Variants in GPR107 observed in about 807,000 individuals in gnomAD.
The protein encoded by GPR107 is protein GPR107.
A neutral mutation model predicts 75.5 loss-of-function variants in GPR107; 31 were observed. The ratio of observed to expected loss-of-function variants is 0.41; its 90% CI spans 0.31 to 0.55. GPR107 has a LOEUF of 0.55. Among genes scored for constraint, GPR107 ranks in the 20% least tolerant of loss-of-function variants. The pLI is 0.26. For synonymous variants in GPR107, 267 were observed against 251.3 expected (o/e 1.06, Z -0.59); for missense variants, 572 against 665.7 (o/e 0.86, Z 1.55).
chr9:130,130,892 A>AC (rs1831812833), intron 17 of GPR107, among the ~76,000 whole-genome samples: 2 of 151,176 alleles, frequency 1.3e-5, no homozygotes, highest in Admixed American at 6.6e-5. Context: ...AAAAAAAAAA[A>AC]ACGCATGAAT....
intron 1 of GPR107, among the ~76,000 whole-genome samples, chr9:130,057,473 C>A (rs1564655554): frequency 4.0e-5 from 6 of 148,158 alleles, no homozygotes; most frequent in Non-Finnish European, 8.9e-5. Context: ...TGGCTCCAGC[C>A]TGGGGGACAG....
At chr9:130,120,749 C>T (rs959575092) in intron 14 of GPR107, 2 of 152,244 alleles carry the variant, frequency 1.3e-5, no homozygotes, top group Admixed American at 1.3e-4. Context: ...CCTTCCTCCA[C>T]GGAGGGATTG....
intron 1 of GPR107, among the ~76,000 whole-genome samples, chr9:130,057,385 C>CTA (rs1564655526): frequency 6.6e-6 from 1 of 151,756 alleles, no homozygotes; most frequent in African/African-American, 2.4e-5. Context: ...TGGTGCATAC[C>CTA]TATAGTCCCA....
intron 9 of GPR107, among the ~76,000 whole-genome samples, chr9:130,097,777 G>T (rs1830912766): frequency 6.6e-6 from 1 of 151,098 alleles, no homozygotes; most frequent in Non-Finnish European, 1.5e-5. Context: ...CGTAATCAAG[G>T]CTTACAGCAG....
Position 130,101,118 on chromosome 9 carries a change from G to T in GPR107, c.1026G>T (p.Ala342=), listed in dbSNP as rs377371563. The T allele has an allele frequency of 2.5e-6, 4 of 1,596,890 alleles. No individual in the cohort carries two copies. Among genetic ancestry groups the T allele is most frequent in the East Asian group, 2.2e-5 (1 of 44,810 alleles). Residue 342 remains alanine (A), a synonymous_variant, in exon 12 of 18, where the codon GCG becomes GCT. Transcript: ENST00000347136. The part of the protein sequence containing the change: ...VYYITHLLKG[A]LLFITIALIG... The stretch of plus-strand genomic sequence containing the variant: ...TTTTCTCTTCCAGTTTGAAAGGGGC[G>T]CTACTCTTCATCACCATTGCACTCA...
intron 9 of GPR107, among the ~76,000 whole-genome samples, chr9:130,098,349 A>C (rs1445689213): frequency 6.6e-6 from 1 of 152,196 alleles, no homozygotes; most frequent in Non-Finnish European, 1.5e-5. Flanking sequence ...GACACCAGCC[A>C]TGAAGGAGAG....
chr9:130,060,611 CTAAA>C (rs777671380), intron 1 of GPR107, among the ~76,000 whole-genome samples: 15 of 151,986 alleles, frequency 9.9e-5, no homozygotes, highest in Non-Finnish European at 2.1e-4. Context: ...CAAAAATTGT[CTAAA>C]TATGATTTTT....
intron 1 of GPR107, among the ~76,000 whole-genome samples, chr9:130,074,587 G>C (rs1402826760): frequency 1.3e-5 from 2 of 152,088 alleles, no homozygotes; most frequent in African/African-American, 4.8e-5. Context: ...CATCAAGCAG[G>C]TGGGGTAGGC....
chr9:130,121,952 G>A (rs1366201393), intron 14 of GPR107, among the ~76,000 whole-genome samples: 1 of 151,794 alleles, frequency 6.6e-6, no homozygotes, highest in African/African-American at 2.4e-5. Flanking sequence ...GTGCAGTGGC[G>A]TGATCTCGGC....
chr9:130,115,450 G>T (rs1047937514), intron 14 of GPR107, among the ~76,000 whole-genome samples: 1 of 144,940 alleles, frequency 6.9e-6, no homozygotes, highest in African/African-American at 2.5e-5. Flanking sequence ...GTTCTGCTCT[G>T]GTCCTTTTTG....
At chr9:130,058,508 A>G (rs1279798751) in intron 1 of GPR107, among the ~76,000 whole-genome samples, 1 of 150,184 alleles carries the variant, frequency 6.7e-6, no homozygotes, top group Admixed American at 6.7e-5. Flanking sequence ...ACTGTTGCCT[A>G]GGCTGGAGCG....
rs569570152 is a variant in GPR107, at chr9:130,081,357, G to A, written c.526+1588G>A. On this transcript the variant is annotated intron_variant, in intron 5 of 17. Coordinates refer to ENST00000347136, the MANE Select transcript of GPR107 (RefSeq NM_020960.5). ...GTTCAAGACCAGCCTGGCCAACATG[G>A]TGAAACCCCATCTCTACTAAAAATA... Among the ~76,000 whole-genome samples, 48 of 152,090 alleles carry A rather than the reference G, an allele frequency of 3.2e-4. 1 individual carries two copies. The highest frequency in any genetic ancestry group is 3.5e-4 in the Non-Finnish European group (24 of 67,988).
intron 14 of GPR107, among the ~76,000 whole-genome samples, chr9:130,123,494 A>G (rs1399176803): frequency 6.9e-6 from 1 of 145,932 alleles, no homozygotes; most frequent in Non-Finnish European, 1.5e-5. Context: ...GAGCCACTGC[A>G]CCCGGCCTAT....
At chr9:130,100,326 C>T (rs1353085166) in intron 10 of GPR107, among the ~76,000 whole-genome samples, 5 of 152,192 alleles carry the variant, frequency 3.3e-5, no homozygotes, top group Admixed American at 3.3e-4. Flanking sequence ...TGAGCCTCAG[C>T]TTTGTATATT....
chr9:130,068,441 TAAAAC>T (rs56207047), intron 1 of GPR107, among the ~76,000 whole-genome samples: 137,274 of 151,658 alleles, frequency 0.91, 62,568 homozygotes, highest in East Asian at 0.97. Context: ...AAAACAAAAG[TAAAAC>T]AAAACACTGT....
At chr9:130,089,630 T>C (rs1830687857) in intron 7 of GPR107, among the ~76,000 whole-genome samples, 1 of 152,216 alleles carries the variant, frequency 6.6e-6, no homozygotes, top group African/African-American at 2.4e-5. Context: ...GATGATTCTA[T>C]TGATTTTTTA....
chr9:130,125,469 A>T (rs1831652989), intron 15 of GPR107, among the ~76,000 whole-genome samples: 3 of 151,502 alleles, frequency 2.0e-5, no homozygotes, highest in Admixed American at 1.3e-4. Context: ...CTGGGTTCAG[A>T]GCTCAAAAGA....
chr9:130,133,393 A>G (rs1459042328), intron 17 of GPR107, among the ~76,000 whole-genome samples: 2 of 152,238 alleles, frequency 1.3e-5, no homozygotes, highest in Non-Finnish European at 2.9e-5. Context: ...AACAAGATGC[A>G]GTAACCATAG....
intron 1 of GPR107, among the ~76,000 whole-genome samples, chr9:130,071,319 G>C (rs1225375776): frequency 6.6e-6 from 1 of 150,970 alleles, no homozygotes; most frequent in Non-Finnish European, 1.5e-5. Context: ...GAGCCACCTC[G>C]CCTGGCCCCT....
Sources: gnomAD v4.1 joint callset for allele counts (sites outside exome capture counted in the v4.1 genomes callset) on GRCh38, gnomAD v4.1.1 for gene constraint, MANE v1.5 for transcripts, NCBI Gene and HGNC (gene_info 2026-07-23, HGNC 2026-07-21) for gene names.